Variants in CCDC80 observed in about 807,000 individuals in gnomAD.
CCDC80 encodes the protein coiled-coil domain-containing protein 80.
CCDC80 carries 49 observed loss-of-function variants against 78.7 expected under a neutral mutation model. The ratio of observed to expected loss-of-function variants is 0.62; its 90% confidence interval spans 0.50 to 0.79. The LOEUF is 0.79. Ranked by LOEUF, CCDC80 falls within the 30% of genes least tolerant of loss-of-function variation. The pLI is 0.00. For missense variants in CCDC80, 1,205 were observed against 1,198.6 expected, an observed-to-expected ratio of 1.01 and a Z score of -0.08; for synonymous variants, 488 against 447.0, an observed-to-expected ratio of 1.09 and a Z score of -1.16.
At chr3:112,627,282 C>A (rs1002262086) in intron 3 of CCDC80, among the ~76,000 whole-genome samples, 1 of 152,188 alleles carries the variant, frequency 6.6e-6, no homozygotes. Context: ...AGAAAGAATG[C>A]CTTTATGTGT....
chr3:112,622,822 AT>A lies in CCDC80; in HGVS notation c.2036-3719del, dbSNP rs373170477. The stretch of plus-strand genomic sequence containing the variant: ...AGGCATGCACCACCATGCCCAGCTA[AT>A]TTTTTTTTTTTTTTTTTTTTTTTTG... On this transcript the variant is annotated intron_variant, in intron 3 of 7. Transcript: ENST00000206423. Among the ~76,000 whole-genome samples, 744 of 118,832 alleles carry A rather than the reference AT, an allele frequency of 6.3e-3. 2 individuals carry two copies. Among genetic ancestry groups the A allele is most frequent in the African/African-American group, 0.014 (401 of 28,900 alleles). 78.0% of individuals were successfully genotyped at this position (118,832 alleles called of 152,430 possible). A position where few individuals can be genotyped will look rare whatever the true frequency, so the allele number is the denominator to read the frequency against.
rs1457198311 is a variant in CCDC80, at chr3:112,605,694, A to T, written c.2576T>A (p.Val859Glu). 1 of 1,614,148 alleles carries T rather than the reference A, an allele frequency of 6.2e-7. No homozygotes were observed. The highest frequency in any genetic ancestry group is 8.5e-7 in the Non-Finnish European group (1 of 1,180,054). Reference protein sequence around the residue: ...LVKDIRNYFQVSPEYFSMLLV... With the variant: ...LVKDIRNYFQESPEYFSMLLV... ...AAGCATGGAGAAGTACTCCGGGCTC[A>T]CTTGAAAATAGTTACGAATGTCTTT... Residue 859 changes from valine (V) to glutamate (E), a missense_variant, in exon 8 of 8, where the codon GTG (valine) becomes GAG (glutamate). Val to Glu is a moderately radical substitution (Grantham distance 121, BLOSUM62 -2). Coordinates refer to ENST00000206423, the MANE Select transcript of CCDC80 (RefSeq NM_199511.3).
At chr3:112,633,734 C>T (rs927598649) in intron 2 of CCDC80, among the ~76,000 whole-genome samples, 7 of 152,056 alleles carry the variant, frequency 4.6e-5, no homozygotes, top group East Asian at 3.9e-4. Context: ...GAAGACTGAC[C>T]ATCTGAACCC....
rs1936271811 is a variant in CCDC80 at position 112,638,850 on chromosome 3, G to T, written c.1056C>A (p.Thr352=). The part of the protein sequence containing the change: ...PQPPSTPRAT[T]LPPAPATTVT... ...CTGTTGTGGCTGGGGCAGGAGGAAG[G>T]GTGGTGGCTCTGGGGGTTGAGGGAG... Residue 352 remains threonine (T), a synonymous_variant, in exon 2 of 8, where the codon ACC becomes ACA. Coordinates refer to ENST00000206423, the MANE Select transcript of CCDC80 (RefSeq NM_199511.3). 1 of 1,612,548 alleles carries T rather than the reference G, an allele frequency of 6.2e-7. No homozygotes were observed. Among genetic ancestry groups the T allele is most frequent in the African/African-American group, 1.3e-5 (1 of 74,866 alleles).
Position 112,639,536 on chromosome 3 carries a change from A to T in CCDC80, c.370T>A (p.Ser124Thr). 1 of 1,614,162 alleles carries T rather than the reference A, an allele frequency of 6.2e-7. No homozygotes were observed. Among genetic ancestry groups the T allele is most frequent in the Non-Finnish European group, 8.5e-7 (1 of 1,180,028 alleles). Residue 124 changes from serine to threonine, a missense_variant, in exon 2 of 8, where the codon TCA becomes ACA. Ser to Thr is a moderately conservative substitution (Grantham distance 58, BLOSUM62 1). Coordinates refer to ENST00000206423, the MANE Select transcript of CCDC80 (RefSeq NM_199511.3). ...AAACGCAACATTCTTGACCGAGCTG[A>T]GGACCCCTCATCTCTGATCATCTCA... ...PREMIRDEGS[S>T]ARSRMLRFPS... is the part of the protein sequence containing the mutation.
Position 112,638,715 on chromosome 3 carries a change from A to G in CCDC80, c.1191T>C (p.Pro397=). Residue 397 remains proline, a synonymous_variant, in exon 2 of 8, where the codon CCT becomes CCC. Transcript: ENST00000206423. ...PWTPSPSHRP[P]TTTEVITARR... ...TGGCAGTGATCACCTCAGTGGTTGT[A>G]GGGGGCCTGTGGGAGGGTGAGGGGG... is the stretch of plus-strand genomic sequence containing the variant. 6.2e-7 allele frequency: 1 copy of G among 1,613,370 alleles called. No individual in the cohort carries two copies. The highest frequency in any genetic ancestry group is 1.1e-5 in the South Asian group (1 of 91,028).
At chr3:112,627,116 T>A (rs1935992844) in intron 3 of CCDC80, among the ~76,000 whole-genome samples, 1 of 152,218 alleles carries the variant, frequency 6.6e-6, no homozygotes, top group South Asian at 2.1e-4. Flanking sequence ...GAAACATGCT[T>A]GCTGTGCATT....
chr3:112,638,724 G>T lies in CCDC80; in HGVS notation c.1182C>A (p.His394Gln). ...TCACCTCAGTGGTTGTAGGGGGCCT[G>T]TGGGAGGGTGAGGGGGTCCAGGGCC... ...TQRPWTPSPSHRPPTTTEVIT... is the reference protein window; with the variant it reads ...TQRPWTPSPSQRPPTTTEVIT... The change falls in exon 2 of 8, where the codon CAC becomes CAA. Residue 394 changes from histidine to glutamine, a missense_variant. By Grantham distance (24) the His-to-Gln change is conservative (BLOSUM62 0). Coordinates refer to ENST00000206423, the MANE Select transcript of CCDC80 (RefSeq NM_199511.3). 1 of 1,614,022 alleles carries T rather than the reference G, an allele frequency of 6.2e-7. No homozygotes were observed. Among genetic ancestry groups the T allele is most frequent in the Non-Finnish European group, 8.5e-7 (1 of 1,180,006 alleles).
intron 3 of CCDC80, among the ~76,000 whole-genome samples, chr3:112,626,528 A>G (rs1576790056): frequency 1.3e-5 from 2 of 152,166 alleles, no homozygotes; most frequent in South Asian, 4.2e-4. Context: ...TATCATTCTC[A>G]TTTTGTTTAT....
Position 112,601,247 on chromosome 3 carries a change from AAAG to A in CCDC80, c.*4167_*4169del, listed in dbSNP as rs1409668755. 6.6e-6 allele frequency: 1 copy of A among 152,228 alleles called. No individual in the cohort carries two copies. Among genetic ancestry groups the A allele is most frequent in the Non-Finnish European group, 1.5e-5 (1 of 68,042 alleles). The allele number at this position is 152,228 out of a possible 1,614,324, so 9.4% of individuals were successfully genotyped here. A position where few individuals can be genotyped will look rare whatever the true frequency, so the allele number is the denominator to read the frequency against. On this transcript the variant is annotated 3_prime_UTR_variant, in exon 8 of 8. Coordinates refer to ENST00000206423, the MANE Select transcript of CCDC80 (RefSeq NM_199511.3). ...TTTATTTATAACAAAGTTCAGATAT[AAAG>A]AAAAATCTGAACATACAGTAGGCAC...
At chr3:112,626,204 G>C (rs1237504455) in intron 3 of CCDC80, among the ~76,000 whole-genome samples, 1 of 152,154 alleles carries the variant, frequency 6.6e-6, no homozygotes, top group African/African-American at 2.4e-5. Context: ...CTAGTCTCTA[G>C]GGCACAGAAT....
intron 3 of CCDC80, among the ~76,000 whole-genome samples, chr3:112,629,769 G>A (rs931099567): frequency 7.9e-5 from 12 of 152,136 alleles, no homozygotes; most frequent in East Asian, 1.9e-4. Context: ...AAGATCAGAC[G>A]GGGCTGCTCA....
chr3:112,619,394 G>C (rs1210869255), intron 3 of CCDC80, among the ~76,000 whole-genome samples: 1 of 152,192 alleles, frequency 6.6e-6, no homozygotes, highest in Non-Finnish European at 1.5e-5. Context: ...AGACTGCTGA[G>C]TCATACCTAG....
In CCDC80 at chr3:112,605,154, G is replaced by T; in HGVS notation, c.*263C>A. 1 of 316,206 alleles carries T rather than the reference G, an allele frequency of 3.2e-6. No individual in the cohort carries two copies. Among genetic ancestry groups the T allele is most frequent in the East Asian group, 5.2e-5 (1 of 19,166 alleles). The allele number at this position is 316,206 out of a possible 1,614,324, so 19.6% of individuals were successfully genotyped here. On this transcript the variant is annotated 3_prime_UTR_variant, in exon 8 of 8. Coordinates refer to ENST00000206423, the MANE Select transcript of CCDC80 (RefSeq NM_199511.3). The stretch of plus-strand genomic sequence containing the variant: ...AATAAGGTCCTTCATATAAGAAAAG[G>T]AAAATAATATCAATTTTCAGTACTA...
Position 112,638,328 on chromosome 3 carries a change from C to T in CCDC80, c.1578G>A (p.Val526=), listed in dbSNP as rs1308800064. The stretch of plus-strand genomic sequence containing the variant: ...TTGCTTTTTTAAGGGGAACATTCCC[C>T]ACCTGCAGCTCGTCCTCCAGCTGAG... ...TASQLEDELQ[V]GNVPLKKAKE... The change falls in exon 2 of 8, where the codon GTG becomes GTA. Residue 526 remains valine, a synonymous_variant. Transcript: ENST00000206423. The T allele has an allele frequency of 1.2e-6, 2 of 1,614,156 alleles. No homozygotes were observed. The highest frequency in any genetic ancestry group is 1.7e-6 in the Non-Finnish European group (2 of 1,180,032).
intron 3 of CCDC80, among the ~76,000 whole-genome samples, chr3:112,624,547 T>C (rs895052171): frequency 2.6e-5 from 4 of 152,176 alleles, no homozygotes; most frequent in Non-Finnish European, 2.9e-5. Context: ...CTTACTCCCC[T>C]TTTACTCTAT....
In CCDC80 at chr3:112,603,623, G is replaced by A. The variant is rs1429587239; in HGVS notation, c.*1794C>T. 6.7e-6 allele frequency: 1 copy of A among 148,732 alleles called. No homozygotes were observed. Among genetic ancestry groups the A allele is most frequent in the Non-Finnish European group, 1.5e-5 (1 of 67,446 alleles). 9.2% of individuals were successfully genotyped at this position (148,732 alleles called of 1,614,324 possible). A position where few individuals can be genotyped will look rare whatever the true frequency, so the allele number is the denominator to read the frequency against. ...CACTATAATATATATATATATAGCT[G>A]TTCACTGACAATATACCCAGTCACC... On this transcript the variant is annotated 3_prime_UTR_variant, in exon 8 of 8. Coordinates refer to ENST00000206423, the MANE Select transcript of CCDC80 (RefSeq NM_199511.3).
rs1186039267 is a variant in CCDC80 at position 112,638,364 on chromosome 3, C to T, written c.1542G>A (p.Arg514=). The change falls in exon 2 of 8, where the codon CGG becomes CGA. Residue 514 remains arginine, a synonymous_variant. Transcript: ENST00000206423. ...CGTCCTCCAGCTGAGAGGCAGTAGG[C>T]CGGCTGAGGTCATACTTCTCCTCAT... ...NEYEEKYDLS[R]PTASQLEDEL... is the part of the protein sequence containing the mutation. 42 of 1,613,988 alleles carry T rather than the reference C, an allele frequency of 2.6e-5. No homozygotes were observed. The highest frequency in any genetic ancestry group is 3.5e-5 in the Non-Finnish European group (41 of 1,180,018).
chr3:112,609,422 T>A (rs1448301764), intron 6 of CCDC80, among the ~76,000 whole-genome samples: 1 of 152,202 alleles, frequency 6.6e-6, no homozygotes, highest in Non-Finnish European at 1.5e-5. Flanking sequence ...ATTTAAGAGA[T>A]CTTGCTACTT....
Sources: gnomAD v4.1 joint callset for allele counts (sites outside exome capture counted in the v4.1 genomes callset) on GRCh38, gnomAD v4.1.1 for gene constraint, MANE v1.5 for transcripts, NCBI Gene and HGNC (gene_info 2026-07-23, HGNC 2026-07-21) for gene names.